Variants in CCER1 observed in about 807,000 individuals in gnomAD.
The protein encoded by CCER1 is coiled-coil glutamate rich protein 1, also known as coiled-coil domain-containing glutamate-rich protein 1.
For synonymous variants in CCER1, 246 were observed against 213.8 expected (o/e 1.15, Z -1.31); for missense variants, 573 against 524.5 (o/e 1.09, Z -0.90).
Position 90,953,701 on chromosome 12 carries a change from C to G in CCER1, c.1042G>C (p.Glu348Gln). The stretch of plus-strand genomic sequence containing the variant: ...TCTTCCCCTCTCTGCTCGTTCTCCT[C>G]CAGGACCTCCTCTTCCTCTTCCAGC... The part of the protein sequence containing the change: ...EELEEEEEVL[E>Q]ENEQRGEEFH... The change falls in exon 1 of 1, where the codon GAG becomes CAG. Residue 348 changes from glutamate to glutamine, a missense_variant. Coordinates refer to ENST00000358859, the MANE Select transcript of CCER1 (RefSeq NM_152638.4). The G allele has an allele frequency of 6.2e-7, 1 of 1,613,090 alleles. No individual in the cohort carries two copies. Among genetic ancestry groups the G allele is most frequent in the Non-Finnish European group, 8.5e-7 (1 of 1,179,076 alleles).
rs1245682047 is a variant in CCER1 at position 90,953,871 on chromosome 12, T to C, written c.872A>G (p.Asp291Gly). 7 of 1,611,390 alleles carry C rather than the reference T, an allele frequency of 4.3e-6. No homozygotes were observed. Among genetic ancestry groups the C allele is most frequent in the Admixed American group, 3.3e-5 (2 of 59,986 alleles). Residue 291 changes from aspartate (D) to glycine (G), a missense_variant, in exon 1 of 1, where the codon GAC becomes GGC. Physicochemically the swap from Asp to Gly is moderately conservative, Grantham distance 94 (BLOSUM62 -1). Transcript: ENST00000358859. ...EKKNDDEEEYDQEVCDAKEAS... is the reference protein window; with the variant it reads ...EKKNDDEEEYGQEVCDAKEAS... The stretch of plus-strand genomic sequence containing the variant: ...CTCCTTTGCATCACACACCTCCTGG[T>C]CATACTCCTCCTCATCATCATTTTT...
At position 90,954,659 on chromosome 12, in the gene CCER1, G is replaced by T. The variant is rs1284345193; in HGVS notation, c.84C>A (p.His28Gln). The change falls in exon 1 of 1, where the codon CAC becomes CAA. Residue 28 changes from histidine to glutamine, a missense_variant. Physicochemically the swap from His to Gln is conservative, Grantham distance 24. Transcript: ENST00000358859. ...GGGGCGCGWA[H>Q]SASLSSWSSC... Reference sequence around the variant, plus strand: ...ACGACCAGGAGCTCAAGGAGGCCGAGTGTGCCCAGCCACAGCCACAGCCGC... The same window carrying T: ...ACGACCAGGAGCTCAAGGAGGCCGATTGTGCCCAGCCACAGCCACAGCCGC... 6.3e-7 allele frequency: 1 copy of T among 1,598,994 alleles called. No individual in the cohort carries two copies. The highest frequency in any genetic ancestry group is 8.5e-7 in the Non-Finnish European group (1 of 1,174,100).
rs937344290 is a variant in CCER1, at chr12:90,953,384, T to A, written c.*138A>T. On this transcript the variant is annotated 3_prime_UTR_variant, in exon 1 of 1. Coordinates refer to ENST00000358859, the MANE Select transcript of CCER1 (RefSeq NM_152638.4). ...ACACATACGCATCAAATTTTAAACA[T>A]TTTATAATGGCCAAAGAAGGTGTTT... 1 of 1,091,188 alleles carries A rather than the reference T, an allele frequency of 9.2e-7. No individual in the cohort carries two copies. Among genetic ancestry groups the A allele is most frequent in the Non-Finnish European group, 1.3e-6 (1 of 789,082 alleles). The allele number at this position is 1,091,188 out of a possible 1,614,324, so 67.6% of individuals were successfully genotyped here.
rs577499112 is a variant in CCER1 at position 90,954,151 on chromosome 12, A to G, written c.592T>C (p.Tyr198His). The G allele has an allele frequency of 1.9e-6, 3 of 1,611,544 alleles. No individual in the cohort carries two copies. In the East Asian group the frequency reaches 6.7e-5, roughly 36 times the overall value. ...TTCTCCTGCTGCCTCATGTCCTCGT[A>G]GATCTGGTTCATGATGAATTGGGTG... The part of the protein sequence containing the change: ...NTTQFIMNQI[Y>H]EDMRQQEKVE... The change falls in exon 1 of 1, where the codon TAC becomes CAC. Residue 198 changes from tyrosine to histidine, a missense_variant. Tyr to His is a moderately conservative substitution (Grantham distance 83). Transcript: ENST00000358859.
rs1876608549 is a variant in CCER1, at chr12:90,954,812, C to G, written c.-70G>C. On this transcript the variant is annotated 5_prime_UTR_variant, in exon 1 of 1. Transcript: ENST00000358859. ...TGTCGTCAAGTTTTGCCAGGTAGGA[C>G]GGTCAGAAGAGCCTCGTCTCGTCAA... 2.0e-6 allele frequency: 3 copies of G among 1,483,648 alleles called. No homozygotes were observed. The highest frequency in any genetic ancestry group is 9.0e-7 in the Non-Finnish European group (1 of 1,112,646). 91.9% of individuals were successfully genotyped at this position (1,483,648 alleles called of 1,614,324 possible).
chr12:90,955,053 G>C lies in CCER1; in HGVS notation c.-311C>G. 4.4e-6 allele frequency: 2 copies of C among 456,388 alleles called. No individual in the cohort carries two copies. Among genetic ancestry groups the C allele is most frequent in the Non-Finnish European group, 8.0e-6 (2 of 248,456 alleles). The allele number at this position is 456,388 out of a possible 1,614,324, so 28.3% of individuals were successfully genotyped here. A position where few individuals can be genotyped will look rare whatever the true frequency, so the allele number is the denominator to read the frequency against. ...GCGACACGCAGTGAGACCCACTCCC[G>C]GGTCCCCACCACACCCGGCTCTGCT... On this transcript the variant is annotated 5_prime_UTR_variant, in exon 1 of 1. Coordinates refer to ENST00000358859, the MANE Select transcript of CCER1 (RefSeq NM_152638.4).
In CCER1 at chr12:90,953,915, C is replaced by T. The variant is rs1043179414; in HGVS notation, c.828G>A (p.Val276=). Reference sequence around the variant, plus strand: ...CATTTTTCTTCTCCTCCTCTTCTTCCACCAGCAGCGGGGCAAGAGACTGGT... The same window carrying T: ...CATTTTTCTTCTCCTCCTCTTCTTCTACCAGCAGCGGGGCAAGAGACTGGT... ...EENQSLAPLL[V]EEEEEKKNDD... is the part of the protein sequence containing the mutation. The change falls in exon 1 of 1, where the codon GTG becomes GTA. Residue 276 remains valine, a synonymous_variant. Coordinates refer to ENST00000358859, the MANE Select transcript of CCER1 (RefSeq NM_152638.4). 6.2e-7 allele frequency: 1 copy of T among 1,614,056 alleles called. No individual in the cohort carries two copies. Among genetic ancestry groups the T allele is most frequent in the Non-Finnish European group, 8.5e-7 (1 of 1,179,932 alleles).
rs747515353 is a variant in CCER1, at chr12:90,953,534, G to C, written c.1209C>G (p.Asp403Glu). 6.8e-6 allele frequency: 11 copies of C among 1,612,360 alleles called. No homozygotes were observed. In the Admixed American group the frequency reaches 1.8e-4, roughly 27 times the overall value. The change falls in exon 1 of 1, where the codon GAC becomes GAG. Residue 403 changes from aspartate to glutamate, a missense_variant. Asp to Glu is a conservative substitution (Grantham distance 45). Coordinates refer to ENST00000358859, the MANE Select transcript of CCER1 (RefSeq NM_152638.4). ...VPQESLFMAQ[D>E]FNC is the part of the protein sequence containing the mutation. ...CCTTTTCTGATGTCTAACAGTTAAA[G>C]TCCTGTGCCATGAACAGGGATTCCT...
At position 90,953,530 on chromosome 12, in the gene CCER1, T is replaced by C; in HGVS notation, c.1213A>G (p.Asn405Asp). The change falls in exon 1 of 1, where the codon AAC (asparagine) becomes GAC (aspartate). Residue 405 changes from asparagine to aspartate, a missense_variant. By Grantham distance (23) the Asn-to-Asp change is conservative. Coordinates refer to ENST00000358859, the MANE Select transcript of CCER1 (RefSeq NM_152638.4). ...QESLFMAQDF[N>D]C ...AATCCCTTTTCTGATGTCTAACAGT[T>C]AAAGTCCTGTGCCATGAACAGGGAT... 6 of 1,611,232 alleles carry C rather than the reference T, an allele frequency of 3.7e-6. No homozygotes were observed.
Position 90,954,298 on chromosome 12 carries a change from C to T in CCER1, c.445G>A (p.Gly149Ser). The T allele has an allele frequency of 1.2e-6, 2 of 1,600,654 alleles. No homozygotes were observed. The highest frequency in any genetic ancestry group is 8.5e-7 in the Non-Finnish European group (1 of 1,177,722). Residue 149 changes from glycine to serine, a missense_variant, in exon 1 of 1, where the codon GGC (glycine) becomes AGC (serine). Transcript: ENST00000358859. ...GAGTGGCGAGGGTGGTGGCGCAGGCCGCGGCCTCTGCGGCCCCAGCGCTTC... is the reference window on the plus strand; with the variant it reads ...GAGTGGCGAGGGTGGTGGCGCAGGCTGCGGCCTCTGCGGCCCCAGCGCTTC... ...RKKRWGRRGR[G>S]LRHHPRHSYP...
Position 90,955,047 on chromosome 12 carries a change from A to C in CCER1, c.-305T>G, listed in dbSNP as rs1592617006. 2 of 450,160 alleles carry C rather than the reference A, an allele frequency of 4.4e-6. No individual in the cohort carries two copies. Among genetic ancestry groups the C allele is most frequent in the African/African-American group, 2.0e-5 (1 of 49,926 alleles). 27.9% of individuals were successfully genotyped at this position (450,160 alleles called of 1,614,324 possible). ...TGGCAGGCGACACGCAGTGAGACCCACTCCCGGGTCCCCACCACACCCGGC... is the reference window on the plus strand; with the variant it reads ...TGGCAGGCGACACGCAGTGAGACCCCCTCCCGGGTCCCCACCACACCCGGC... On this transcript the variant is annotated 5_prime_UTR_variant, in exon 1 of 1. Transcript: ENST00000358859.
chr12:90,953,458 A>T lies in CCER1; in HGVS notation c.*64T>A. 1 of 1,513,784 alleles carries T rather than the reference A, an allele frequency of 6.6e-7. No individual in the cohort carries two copies. The highest frequency in any genetic ancestry group is 1.8e-4 in the Middle Eastern group (1 of 5,608). The allele number at this position is 1,513,784 out of a possible 1,614,324, so 93.8% of individuals were successfully genotyped here. ...ACTCACTTTTTAATCAGTTTTTAATAAATTGCTAATCCAGTTTAGCCTCAA... is the reference window on the plus strand; with the variant it reads ...ACTCACTTTTTAATCAGTTTTTAATTAATTGCTAATCCAGTTTAGCCTCAA... On this transcript the variant is annotated 3_prime_UTR_variant, in exon 1 of 1. Transcript: ENST00000358859.
At position 90,953,752 on chromosome 12, in the gene CCER1, C is replaced by A. The variant is rs1330512136; in HGVS notation, c.991G>T (p.Gly331Ter). 6.4e-7 allele frequency: 1 copy of A among 1,569,928 alleles called. No homozygotes were observed. Among genetic ancestry groups the A allele is most frequent in the East Asian group, 2.2e-5 (1 of 44,670 alleles). Residue 331 changes from glycine (G) to a stop codon, truncating the protein, a stop_gained, in exon 1 of 1, where the codon GGA (glycine) becomes TGA (stop). Transcript: ENST00000358859. LOFTEE classifies it low-confidence loss of function (END_TRUNC). Reference protein sequence around the residue: ...EVEEAEYVEEGEEELEEEELE... With the variant: ...EVEEAEYVEE ...TCCTCCTCTTCCAGCTCCTCCTCTC[C>A]CTCCTCCACATATTCAGCCTCTTCG...
chr12:90,953,938 GGT>G lies in CCER1; in HGVS notation c.803_804del (p.Asn268ThrfsTer17). The G allele has an allele frequency of 6.2e-7, 1 of 1,614,170 alleles. No homozygotes were observed. Among genetic ancestry groups the G allele is most frequent in the Non-Finnish European group, 8.5e-7 (1 of 1,180,012 alleles). On this transcript the variant is annotated frameshift_variant, in exon 1 of 1. Transcript: ENST00000358859. LOFTEE classifies it low-confidence loss of function (END_TRUNC). ...TCCACCAGCAGCGGGGCAAGAGACT[GGT>G]TTTCCTCTGGGTTGGGACTGAATGC... is the stretch of plus-strand genomic sequence containing the variant. ...SLAFSPNPEE[N>X]QSLAPLLVEE...
chr12:90,954,828 G>C lies in CCER1; in HGVS notation c.-86C>G, dbSNP rs116821338. On this transcript the variant is annotated 5_prime_UTR_variant, in exon 1 of 1. Transcript: ENST00000358859. ...CAGGTAGGACGGTCAGAAGAGCCTC[G>C]TCTCGTCAACCTGTCTCTCCACGCA... The C allele has an allele frequency of 5.7e-5, 84 of 1,471,628 alleles. No individual in the cohort carries two copies. In the African/African-American group the frequency reaches 1.1e-3, roughly 19 times the overall value. The allele number at this position is 1,471,628 out of a possible 1,614,324, so 91.2% of individuals were successfully genotyped here. A position where few individuals can be genotyped will look rare whatever the true frequency, so the allele number is the denominator to read the frequency against.
At position 90,952,726 on chromosome 12, in the gene CCER1, T is replaced by C. The variant is rs1012473394; in HGVS notation, c.*796A>G. The C allele has an allele frequency of 6.6e-6, 1 of 152,592 alleles. No homozygotes were observed. The highest frequency in any genetic ancestry group is 1.5e-5 in the Non-Finnish European group (1 of 68,038). 9.5% of individuals were successfully genotyped at this position (152,592 alleles called of 1,614,324 possible). On this transcript the variant is annotated 3_prime_UTR_variant, in exon 1 of 1. Transcript: ENST00000358859. Reference sequence around the variant, plus strand: ...TCCTCAGAACTTAGGATAAAGACTATATCCAATAACGAGGCTTCAAAACCT... The same window carrying C: ...TCCTCAGAACTTAGGATAAAGACTACATCCAATAACGAGGCTTCAAAACCT...
In CCER1 at chr12:90,953,470, C is replaced by T; in HGVS notation, c.*52G>A. 6.5e-7 allele frequency: 1 copy of T among 1,530,002 alleles called. No homozygotes were observed. The highest frequency in any genetic ancestry group is 8.8e-7 in the Non-Finnish European group (1 of 1,142,652). The allele number at this position is 1,530,002 out of a possible 1,614,324, so 94.8% of individuals were successfully genotyped here. A position where few individuals can be genotyped will look rare whatever the true frequency, so the allele number is the denominator to read the frequency against. On this transcript the variant is annotated 3_prime_UTR_variant, in exon 1 of 1. Coordinates refer to ENST00000358859, the MANE Select transcript of CCER1 (RefSeq NM_152638.4). ...ATCAGTTTTTAATAAATTGCTAATC[C>T]AGTTTAGCCTCAAATCAGTTCCATC...
Position 90,955,128 on chromosome 12 carries a change from G to A in CCER1, c.-386C>T, listed in dbSNP as rs1395322103. ...GGCAGGGGTTGCGCAGTTACCTGCTGCTCCCTCTCAACCCAGGTGCTTCAC... is the reference window on the plus strand; with the variant it reads ...GGCAGGGGTTGCGCAGTTACCTGCTACTCCCTCTCAACCCAGGTGCTTCAC... On this transcript the variant is annotated 5_prime_UTR_variant, in exon 1 of 1. Transcript: ENST00000358859. 4 of 275,640 alleles carry A rather than the reference G, an allele frequency of 1.5e-5. No individual in the cohort carries two copies. The allele number at this position is 275,640 out of a possible 1,614,324, so 17.1% of individuals were successfully genotyped here.
chr12:90,954,580 T>C lies in CCER1; in HGVS notation c.163A>G (p.Ser55Gly). The C allele has an allele frequency of 6.2e-7, 1 of 1,614,004 alleles. No homozygotes were observed. Among genetic ancestry groups the C allele is most frequent in the South Asian group, 1.1e-5 (1 of 91,080 alleles). Residue 55 changes from serine to glycine, a missense_variant, in exon 1 of 1, where the codon AGC becomes GGC. Coordinates refer to ENST00000358859, the MANE Select transcript of CCER1 (RefSeq NM_152638.4). Reference sequence around the variant, plus strand: ...GGGGGCCCATACTCGGTCTTGGGGCTATATCGGTGCGGTCTATTGTACGCT... The same window carrying C: ...GGGGGCCCATACTCGGTCTTGGGGCCATATCGGTGCGGTCTATTGTACGCT... Reference protein sequence around the residue: ...APAYNRPHRYSPKTEYGPPRK... With the variant: ...APAYNRPHRYGPKTEYGPPRK...
Sources: gnomAD v4.1 joint callset for allele counts on GRCh38, gnomAD v4.1.1 for gene constraint, MANE v1.5 for transcripts, NCBI Gene and HGNC (gene_info 2026-07-23, HGNC 2026-07-21) for gene names.